The following AWAT1 variants were observed in gnomAD, a reference collection of about 807,000 sequenced individuals.
AWAT1 encodes the protein acyl-CoA wax alcohol acyltransferase 1, also known as diacyl-glycerol acyltransferase 2.
In AWAT1, 26 loss-of-function variants were observed where a neutral mutation model predicts 21.6. The ratio of observed to expected loss-of-function variants is 1.20; its 90% confidence interval spans 0.88 to 1.67. The LOEUF is 1.67. Ranked by LOEUF, AWAT1 falls within the 40% of genes most tolerant of loss-of-function variation. The pLI is 0.00. For synonymous variants in AWAT1, 102 were observed against 99.3 expected (o/e 1.03, Z -0.16); for missense variants, 264 against 249.4 (o/e 1.06, Z -0.39).
intron 5 of AWAT1, among the ~76,000 whole-genome samples, 173 bp from the exon 6 acceptor site, chrX:70,239,562 A>G (rs894714068): frequency 2.7e-5 from 3 of 111,794 alleles, no homozygotes; most frequent in Non-Finnish European, 3.8e-5. Flanking sequence ...GGCCTTGAAA[A>G]TTTCATGACA....
At chrX:70,238,062 C>T (rs976519706) in intron 4 of AWAT1, 150 bp from the exon 5 acceptor site, 7 of 509,776 alleles carry the variant, frequency 1.4e-5, no homozygotes, top group Non-Finnish European at 2.1e-5. Context: ...TGTTTGTCAA[C>T]AGCCTTTTCT....
chrX:70,239,923 T>C lies in AWAT1; in HGVS notation c.821T>C (p.Ile274Thr). 1 of 1,209,248 alleles carries C rather than the reference T, an allele frequency of 8.3e-7. No individual in the cohort carries two copies. Among genetic ancestry groups the C allele is most frequent in the Non-Finnish European group, 1.1e-6 (1 of 894,006 alleles). The change falls in exon 6 of 7, where the codon ATT becomes ACT. Residue 274 changes from isoleucine to threonine, a missense_variant. Physicochemically the swap from Ile to Thr is moderately conservative, Grantham distance 89. Coordinates refer to ENST00000374521, the MANE Select transcript of AWAT1 (RefSeq NM_001013579.3). ...GGGCTCCTGCCATACTCCAGGCCTATTGTCACTGTGGGTGAGTGCCACTCT... is the reference window on the plus strand; with the variant it reads ...GGGCTCCTGCCATACTCCAGGCCTACTGTCACTGTGGGTGAGTGCCACTCT... ...STGLLPYSRPIVTVVGEPLPL... is the reference protein window; with the variant it reads ...STGLLPYSRPTVTVVGEPLPL...
Position 70,235,739 on chromosome X carries a change from G to T in AWAT1, c.100G>T (p.Val34Phe), listed in dbSNP as rs146734633. The change falls in exon 2 of 7, where the codon GTC (valine) becomes TTC (phenylalanine). Residue 34 changes from valine to phenylalanine, a missense_variant. Transcript: ENST00000374521. The part of the protein sequence containing the change: ...AIFWILQPLF[V>F]YLLFTSLWPL... Reference sequence around the variant, plus strand: ...AGTTTGGATCTTGCAGCCATTGTTCGTCTACCTGCTGTTTACATCCTTGTG... The same window carrying T: ...AGTTTGGATCTTGCAGCCATTGTTCTTCTACCTGCTGTTTACATCCTTGTG... 49 of 1,208,610 alleles carry T rather than the reference G, an allele frequency of 4.1e-5. No individual in the cohort carries two copies. In the African/African-American group the frequency reaches 7.2e-4, roughly 18 times the overall value.
rs146527990 is a variant in AWAT1, at chrX:70,240,597, A to C, written c.*307A>C. 2 of 254,128 alleles carry C rather than the reference A, an allele frequency of 7.9e-6. No homozygotes were observed. Among genetic ancestry groups the C allele is most frequent in the East Asian group, 6.2e-5 (1 of 16,215 alleles). 20.9% of individuals were successfully genotyped at this position (254,128 alleles called of 1,213,427 possible). A position where few individuals can be genotyped will look rare whatever the true frequency, so the allele number is the denominator to read the frequency against. On this transcript the variant is annotated 3_prime_UTR_variant, in exon 7 of 7. Transcript: ENST00000374521. ...ATATTCCCCCAGCCCCTGGGCAACT[A>C]TCTACTTTCTGTCTCTGTGGATTTG...
chrX:70,237,369 A>C, intron 4 of AWAT1, 121 bp downstream of exon 4: 1 of 650,501 alleles, frequency 1.5e-6, no homozygotes, highest in Non-Finnish European at 2.4e-6. Context: ...TAGTAGTCAA[A>C]AGCATATGTT....
chrX:70,237,451 A>G, intron 4 of AWAT1: 1 of 436,641 alleles, frequency 2.3e-6, no homozygotes. Flanking sequence ...AACTAGCCTC[A>G]GTTTCCTCAT....
chrX:70,236,240 G>A, intron 3 of AWAT1, 101 bp downstream of exon 3: 1 of 675,308 alleles, frequency 1.5e-6, no homozygotes, highest in Non-Finnish European at 2.3e-6. Flanking sequence ...AGTATCCCAG[G>A]GAAGTCTCAG....
intron 1 of AWAT1, 88 bp downstream of exon 1, chrX:70,234,859 C>A (rs780694697): frequency 4.8e-6 from 4 of 839,594 alleles, no homozygotes; most frequent in Non-Finnish European, 7.0e-6. Context: ...CATGTGAAGT[C>A]TCATTTTGAG....
intron 6 of AWAT1, 63 bp downstream of exon 6, chrX:70,239,997 C>G: frequency 8.6e-7 from 1 of 1,165,044 alleles, no homozygotes; most frequent in Non-Finnish European, 1.2e-6. Flanking sequence ...CAGCCTGGCC[C>G]CACCAAAGAA....
rs60895182 is a variant in AWAT1 at position 70,239,975 on chromosome X, C to T, written c.832+41C>T. 6.0e-6 allele frequency: 7 copies of T among 1,167,070 alleles called. No homozygotes were observed. The African/African-American group carries it at 1.1e-4, about 18-fold the overall frequency. The stretch of plus-strand genomic sequence containing the variant: ...AGCCCCAGTGCCACCTCAGGTTTCT[C>T]AACCTCAACCTCAGCCTGGCCCCAC... On this transcript the variant is annotated intron_variant, in intron 6 of 6. Coordinates refer to ENST00000374521, the MANE Select transcript of AWAT1 (RefSeq NM_001013579.3).
Position 70,239,743 on chromosome X carries a change from T to G in AWAT1, c.641T>G (p.Leu214Arg). Residue 214 changes from leucine (L) to arginine (R), a missense_variant, in exon 6 of 7, where the codon CTG (leucine) becomes CGG (arginine). By Grantham distance (102) the Leu-to-Arg change is moderately radical. Coordinates refer to ENST00000374521, the MANE Select transcript of AWAT1 (RefSeq NM_001013579.3). ...VRTALQHGAHLVPTFTFGETE... is the reference protein window; with the variant it reads ...VRTALQHGAHRVPTFTFGETE... ...TTGGAGTTTTCCTACAGGGCTCATC[T>G]GGTCCCCACCTTCACTTTTGGGGAA... The G allele has an allele frequency of 8.3e-7, 1 of 1,210,428 alleles. No individual in the cohort carries two copies. The highest frequency in any genetic ancestry group is 1.1e-6 in the Non-Finnish European group (1 of 893,962).
chrX:70,239,878 G>C lies in AWAT1; in HGVS notation c.776G>C (p.Ser259Thr), dbSNP rs756772388. ...GFYCCVFYGQ[S>T]FCQGSTGLLP... is the part of the protein sequence containing the mutation. ...TACTGTTGTGTCTTCTATGGACAAA[G>C]CTTCTGTCAAGGCTCCACTGGGCTC... The change falls in exon 6 of 7, where the codon AGC (serine) becomes ACC (threonine). Residue 259 changes from serine (S) to threonine (T), a missense_variant. Transcript: ENST00000374521. 2 of 1,210,958 alleles carry C rather than the reference G, an allele frequency of 1.7e-6. No individual in the cohort carries two copies. Among genetic ancestry groups the C allele is most frequent in the East Asian group, 3.0e-5 (1 of 33,806 alleles).
intron 4 of AWAT1, among the ~76,000 whole-genome samples, chrX:70,237,778 G>A (rs987467189): frequency 1.1e-5 from 1 of 93,419 alleles, no homozygotes; most frequent in African/African-American, 4.1e-5. Flanking sequence ...GTTGCAGTGA[G>A]CCGAGATCAC....
chrX:70,238,284 T>C lies in AWAT1; in HGVS notation c.533T>C (p.Val178Ala), dbSNP rs769900312. The stretch of plus-strand genomic sequence containing the variant: ...GGCACTGGCAACCTCGTGGGCATTG[T>C]AGTGGGAGGTGTGGGTGAGGCCCTG... The part of the protein sequence containing the change: ...SHGTGNLVGI[V>A]VGGVGEALQS... The change falls in exon 5 of 7, where the codon GTA becomes GCA. Residue 178 changes from valine (V) to alanine (A), a missense_variant. Val to Ala is a moderately conservative substitution (Grantham distance 64, BLOSUM62 0). Coordinates refer to ENST00000374521, the MANE Select transcript of AWAT1 (RefSeq NM_001013579.3). 1 of 1,211,244 alleles carries C rather than the reference T, an allele frequency of 8.3e-7. No homozygotes were observed. The highest frequency in any genetic ancestry group is 1.1e-6 in the Non-Finnish European group (1 of 895,006).
chrX:70,236,143 A>G lies in AWAT1; in HGVS notation c.255+4A>G, dbSNP rs767429250. 1 of 1,202,375 alleles carries G rather than the reference A, an allele frequency of 8.3e-7. No individual in the cohort carries two copies. Among genetic ancestry groups the G allele is most frequent in the East Asian group, 3.0e-5 (1 of 33,817 alleles). On this transcript the variant is annotated splice_donor_region_variant and intron_variant, in intron 3 of 6. Coordinates refer to ENST00000374521, the MANE Select transcript of AWAT1 (RefSeq NM_001013579.3). ...CAGGGACTATTTCCCCATTACGGTAAGTATCTCTTCCCCAGTGTCCTCAGA... is the reference window on the plus strand; with the variant it reads ...CAGGGACTATTTCCCCATTACGGTAGGTATCTCTTCCCCAGTGTCCTCAGA...
chrX:70,240,392 T>A lies in AWAT1; in HGVS notation c.*102T>A. Reference sequence around the variant, plus strand: ...GGCAGGAGATGAGGGAGGTTATATGTGGTAGGGGAGGGCATGAGGAATTCC... The same window carrying A: ...GGCAGGAGATGAGGGAGGTTATATGAGGTAGGGGAGGGCATGAGGAATTCC... On this transcript the variant is annotated 3_prime_UTR_variant, in exon 7 of 7. Coordinates refer to ENST00000374521, the MANE Select transcript of AWAT1 (RefSeq NM_001013579.3). 1 of 919,241 alleles carries A rather than the reference T, an allele frequency of 1.1e-6. No homozygotes were observed. The highest frequency in any genetic ancestry group is 1.5e-6 in the Non-Finnish European group (1 of 663,200). 75.8% of individuals were successfully genotyped at this position (919,241 alleles called of 1,213,427 possible). A position where few individuals can be genotyped will look rare whatever the true frequency, so the allele number is the denominator to read the frequency against.
intron 4 of AWAT1, among the ~76,000 whole-genome samples, 188 bp from the exon 5 acceptor site, chrX:70,238,024 G>C (rs1005209484): frequency 9.1e-6 from 1 of 109,989 alleles, no homozygotes; most frequent in Non-Finnish European, 1.9e-5. Context: ...CCTGCAAAGT[G>C]AAGATATTGC....
At chrX:70,239,454 TG>T (rs920483705) in intron 5 of AWAT1, among the ~76,000 whole-genome samples, 3 of 111,945 alleles carry the variant, frequency 2.7e-5, no homozygotes, top group Non-Finnish European at 5.6e-5. Context: ...CATCCCCTCT[TG>T]GGGATCTCTG....
At chrX:70,239,670 A>C in intron 5 of AWAT1, 65 bp from the exon 6 acceptor site, 1 of 1,007,584 alleles carries the variant, frequency 9.9e-7, no homozygotes, top group Non-Finnish European at 1.4e-6. Flanking sequence ...AAGCAAACAA[A>C]TGTTCTTCCA....
Sources: allele counts gnomAD v4.1 joint callset (sites outside exome capture counted in the v4.1 genomes callset), GRCh38; gene constraint gnomAD v4.1.1; transcripts MANE v1.5; gene names NCBI Gene and HGNC (gene_info 2026-07-23, HGNC 2026-07-21).